Variants in FOXP1 observed in about 807,000 individuals in gnomAD.
The protein encoded by FOXP1 is forkhead box protein P1.
In FOXP1, 15 loss-of-function variants were observed where a neutral mutation model predicts 98.2. The ratio of observed to expected loss-of-function variants is 0.15; its 90% CI spans 0.10 to 0.24. The LOEUF (loss-of-function observed/expected upper bound fraction) is 0.24, where lower values mean the gene tolerates loss of function less well. Ranked by LOEUF, FOXP1 falls within the 10% of genes least tolerant of loss-of-function variation. The pLI, the probability that FOXP1 is intolerant of heterozygous loss-of-function variation, is 1.00. For synonymous variants in FOXP1, 371 were observed against 314.5 expected, an observed-to-expected ratio of 1.18 and a Z score of -1.90; for missense variants, 633 against 848.5, an observed-to-expected ratio of 0.75 and a Z score of 3.15.
At chr3:71,324,107 C>G (rs1210285026) in intron 4 of FOXP1, among the ~76,000 whole-genome samples, 1 of 151,852 alleles carries the variant, frequency 6.6e-6, no homozygotes, top group South Asian at 2.1e-4. Flanking sequence ...ATAATTCATA[C>G]TCTATGTTCC....
At chr3:71,146,182 A>G (rs1265159321) in intron 6 of FOXP1, among the ~76,000 whole-genome samples, 4 of 152,194 alleles carry the variant, frequency 2.6e-5, no homozygotes, top group Non-Finnish European at 5.9e-5. Context: ...TGCTGTGACT[A>G]ATGATGCCAC....
chr3:71,130,048 TGAC>T (rs1451821672), intron 6 of FOXP1, among the ~76,000 whole-genome samples: 1 of 152,248 alleles, frequency 6.6e-6, no homozygotes, highest in East Asian at 1.9e-4. Flanking sequence ...TCACAAATGA[TGAC>T]GGTGTCGTGA....
intron 11 of FOXP1, among the ~76,000 whole-genome samples, chr3:71,040,997 C>A (rs1305369912): frequency 6.6e-6 from 1 of 152,148 alleles, no homozygotes; most frequent in Admixed American, 6.6e-5. Flanking sequence ...GCACTTCCAG[C>A]CAAGGAATTC....
At chr3:71,389,253 C>CG (rs1560413236) in intron 3 of FOXP1, among the ~76,000 whole-genome samples, 9 of 4,304 alleles carry the variant, frequency 2.1e-3, no homozygotes, top group African/African-American at 6.5e-3. Flanking sequence ...GGGGGGGGGG[C>CG]CGGGGGGGGC....
chr3:71,366,004 T>C (rs1444026579), intron 3 of FOXP1, among the ~76,000 whole-genome samples: 2 of 152,126 alleles, frequency 1.3e-5, no homozygotes, highest in African/African-American at 4.8e-5. Context: ...AAAAACAAGA[T>C]GTTCCTTCTT....
intron 10 of FOXP1, among the ~76,000 whole-genome samples, chr3:71,046,188 C>T (rs540911236): frequency 2.6e-5 from 4 of 152,258 alleles, no homozygotes; most frequent in South Asian, 4.1e-4. Context: ...GTCAGAGTTG[C>T]TTAAACCAAG....
At chr3:71,329,116 G>C (rs1314648497) in intron 4 of FOXP1, among the ~76,000 whole-genome samples, 1 of 152,056 alleles carries the variant, frequency 6.6e-6, no homozygotes, top group Non-Finnish European at 1.5e-5. Context: ...GATCCAGCTG[G>C]ACTGTGACCT....
chr3:71,242,267 C>T (rs2067348337), intron 5 of FOXP1, among the ~76,000 whole-genome samples: 1 of 152,130 alleles, frequency 6.6e-6, no homozygotes, highest in Admixed American at 6.5e-5. Context: ...TTCCTCATTC[C>T]AGCCCAAAGA....
At chr3:71,183,940 G>C (rs2062488185) in intron 6 of FOXP1, among the ~76,000 whole-genome samples, 1 of 152,146 alleles carries the variant, frequency 6.6e-6, no homozygotes, top group African/African-American at 2.4e-5. Flanking sequence ...ATCACCTGAG[G>C]TTGGGACTTC....
chr3:71,182,043 GAAAAAAAAGAA>G (rs992654940), intron 6 of FOXP1, among the ~76,000 whole-genome samples: 7 of 140,366 alleles, frequency 5.0e-5, no homozygotes, highest in Admixed American at 1.4e-4. Context: ...TCAAAAAAAA[GAAAAAAAAGAA>G]AAAAAAAGAA....
intron 2 of FOXP1, among the ~76,000 whole-genome samples, chr3:71,501,271 A>C (rs1205440080): frequency 6.8e-6 from 1 of 147,506 alleles, no homozygotes; most frequent in Non-Finnish European, 1.5e-5. Flanking sequence ...AATCAAAAAA[A>C]TCCAAACTCT....
chr3:71,350,952 A>C (rs1448191674), intron 4 of FOXP1, among the ~76,000 whole-genome samples: 4 of 151,936 alleles, frequency 2.6e-5, no homozygotes, highest in South Asian at 2.1e-4. Flanking sequence ...AGGACCTCCC[A>C]CCACCCCCAA....
chr3:71,370,054 G>A (rs1482624687), intron 3 of FOXP1, among the ~76,000 whole-genome samples: 1 of 152,166 alleles, frequency 6.6e-6, no homozygotes, highest in Non-Finnish European at 1.5e-5. Context: ...CAGGTAGAGA[G>A]CACTGGGTGG....
At chr3:71,260,461 C>T (rs1286564018) in intron 5 of FOXP1, among the ~76,000 whole-genome samples, 1 of 152,140 alleles carries the variant, frequency 6.6e-6, no homozygotes, top group East Asian at 1.9e-4. Context: ...GTCTGTTAAA[C>T]ATTCACATGT....
chr3:71,096,989 A>C (rs1012083716), intron 7 of FOXP1, among the ~76,000 whole-genome samples: 2 of 152,190 alleles, frequency 1.3e-5, no homozygotes, highest in Non-Finnish European at 2.9e-5. Context: ...GCAAATGAAA[A>C]AAATGGATGC....
chr3:71,063,495 C>T (rs945102012), intron 7 of FOXP1, among the ~76,000 whole-genome samples: 1 of 152,222 alleles, frequency 6.6e-6, no homozygotes, highest in African/African-American at 2.4e-5. Context: ...ATACATTCCT[C>T]TTGGAAAACT....
chr3:71,018,125 C>T (rs557514444), intron 11 of FOXP1, among the ~76,000 whole-genome samples: 1 of 152,256 alleles, frequency 6.6e-6, no homozygotes, highest in East Asian at 1.9e-4. Flanking sequence ...GTTTTGGACT[C>T]GAAATGTGTA....
At chr3:71,466,404 A>G (rs1283734083) in intron 3 of FOXP1, among the ~76,000 whole-genome samples, 4 of 152,230 alleles carry the variant, frequency 2.6e-5, no homozygotes, top group Admixed American at 2.0e-4. Flanking sequence ...TTCACAGTCA[A>G]GGAAAGTTGT....
At chr3:71,236,031 CT>C (rs1159509385) in intron 5 of FOXP1, among the ~76,000 whole-genome samples, 1 of 152,198 alleles carries the variant, frequency 6.6e-6, no homozygotes, top group Non-Finnish European at 1.5e-5. Context: ...TGTAACAATT[CT>C]TGCAAATAAT....
Sources: allele counts gnomAD v4.1 joint callset (sites outside exome capture counted in the v4.1 genomes callset), GRCh38; gene constraint gnomAD v4.1.1; transcripts MANE v1.5; gene names NCBI Gene and HGNC (gene_info 2026-07-23, HGNC 2026-07-21).